The following TENT5D variants were observed in gnomAD, a reference collection of about 807,000 sequenced individuals.
The protein encoded by TENT5D is terminal nucleotidyltransferase 5D, also known as cancer/testis antigen 112.
For synonymous variants in TENT5D, 103 were observed against 100.6 expected (o/e 1.02, Z -0.15); for missense variants, 191 against 287.0 (o/e 0.67, Z 2.42).
chrX:80,410,383 A>T (rs1334242271), intron 3 of TENT5D, among the ~76,000 whole-genome samples: 1 of 80,850 alleles, frequency 1.2e-5, no homozygotes, highest in Admixed American at 1.5e-4. Context: ...CAATGAACTC[A>T]AACAAATTTA....
At chrX:80,422,533 A>AG (rs1931910499) in intron 1 of TENT5D, among the ~76,000 whole-genome samples, 1 of 111,467 alleles carries the variant, frequency 9.0e-6, no homozygotes, top group East Asian at 2.8e-4. Context: ...CTTGCCTACT[A>AG]GCAGGCTCCC....
chrX:80,383,058 T>A (rs948406945), intron 3 of TENT5D, among the ~76,000 whole-genome samples: 1 of 111,779 alleles, frequency 8.9e-6, no homozygotes, highest in African/African-American at 3.3e-5. Context: ...AATGCAGAAA[T>A]CACCCATCTT....
chrX:80,382,812 A>G (rs1265319667), intron 3 of TENT5D, among the ~76,000 whole-genome samples: 1 of 112,191 alleles, frequency 8.9e-6, no homozygotes, highest in African/African-American at 3.2e-5. Context: ...TGCACAGGAT[A>G]TAATTTCCTG....
intron 3 of TENT5D, among the ~76,000 whole-genome samples, chrX:80,393,073 A>AT (rs1257792221): frequency 9.1e-6 from 1 of 109,292 alleles, no homozygotes; most frequent in Non-Finnish European, 1.9e-5. Context: ...TTCAGGAAAA[A>AT]TTTTTTTATA....
intron 1 of TENT5D, among the ~76,000 whole-genome samples, chrX:80,428,660 G>T (rs1305653642): frequency 8.9e-6 from 1 of 111,937 alleles, no homozygotes; most frequent in Admixed American, 9.5e-5. Flanking sequence ...TTATGAGGTG[G>T]TATAAAGGGT....
At chrX:80,385,364 G>T (rs1372589640) in intron 3 of TENT5D, among the ~76,000 whole-genome samples, 3 of 110,403 alleles carry the variant, frequency 2.7e-5, no homozygotes, top group African/African-American at 9.8e-5. Context: ...AAACTGGCTA[G>T]CCATATATAG....
chrX:80,348,248 T>A (rs1477954694), intron 3 of TENT5D, among the ~76,000 whole-genome samples: 1 of 112,171 alleles, frequency 8.9e-6, no homozygotes, highest in Admixed American at 9.5e-5. Flanking sequence ...ATCTGTAAAT[T>A]ACTTTGGTCA....
At chrX:80,411,546 A>G (rs1036951979) in intron 3 of TENT5D, among the ~76,000 whole-genome samples, 1 of 111,936 alleles carries the variant, frequency 8.9e-6, no homozygotes, top group African/African-American at 3.2e-5. Flanking sequence ...TATGTTTATA[A>G]CTTACTTTAC....
chrX:80,364,116 A>G (rs1273771988), intron 3 of TENT5D, among the ~76,000 whole-genome samples: 1 of 112,127 alleles, frequency 8.9e-6, no homozygotes, highest in Non-Finnish European at 1.9e-5. Context: ...ACATCTATAT[A>G]CAAATTACTC....
chrX:80,421,126 C>T (rs948067699), intron 1 of TENT5D, among the ~76,000 whole-genome samples: 7 of 111,738 alleles, frequency 6.3e-5, no homozygotes, highest in African/African-American at 2.3e-4. Context: ...CCTGAACTTC[C>T]TTTTCAGATT....
At chrX:80,386,060 A>G (rs892538181) in intron 3 of TENT5D, among the ~76,000 whole-genome samples, 1 of 112,317 alleles carries the variant, frequency 8.9e-6, no homozygotes. Context: ...TGACCCAACC[A>G]TCCCATTACT....
At chrX:80,363,024 A>T (rs1448037609) in intron 3 of TENT5D, among the ~76,000 whole-genome samples, 2 of 111,915 alleles carry the variant, frequency 1.8e-5, no homozygotes, top group African/African-American at 6.5e-5. Context: ...ATGCAGTAAG[A>T]TTTTTATTTT....
At chrX:80,380,335 G>C (rs191334805) in intron 3 of TENT5D, among the ~76,000 whole-genome samples, 22 of 110,934 alleles carry the variant, frequency 2.0e-4, no homozygotes, top group Admixed American at 1.2e-3. Flanking sequence ...AGTTTGTTTT[G>C]ATTTCTGTTC....
intron 3 of TENT5D, among the ~76,000 whole-genome samples, chrX:80,385,583 A>G (rs1045083569): frequency 1.8e-5 from 2 of 112,124 alleles, no homozygotes; most frequent in African/African-American, 6.5e-5. Flanking sequence ...GGATCTAATT[A>G]AACTAAAGAG....
intron 3 of TENT5D, among the ~76,000 whole-genome samples, chrX:80,357,273 A>G (rs891795399): frequency 3.2e-4 from 35 of 110,605 alleles, no homozygotes; most frequent in Admixed American, 7.7e-4. Flanking sequence ...TTGGGTATAT[A>G]CCCAGTAATG....
chrX:80,431,232 A>G (rs780956012), intron 1 of TENT5D, among the ~76,000 whole-genome samples: 11 of 111,391 alleles, frequency 9.9e-5, no homozygotes, highest in Admixed American at 3.8e-4. Context: ...CCTCCTGGCT[A>G]TTGAAAGTGG....
chrX:80,408,682 G>A (rs996325552), intron 3 of TENT5D, among the ~76,000 whole-genome samples: 14 of 111,053 alleles, frequency 1.3e-4, no homozygotes, highest in African/African-American at 4.3e-4. Context: ...AGGAGGAACT[G>A]GTACCATTCC....
chrX:80,436,302 G>T (rs1263642484), intron 1 of TENT5D, among the ~76,000 whole-genome samples: 1 of 110,892 alleles, frequency 9.0e-6, no homozygotes, highest in Non-Finnish European at 1.9e-5. Flanking sequence ...GAAAATTAGG[G>T]AACTCTTTGA....
At chrX:80,379,094 C>T (rs997246767) in intron 3 of TENT5D, among the ~76,000 whole-genome samples, 4 of 101,610 alleles carry the variant, frequency 3.9e-5, no homozygotes, top group Non-Finnish European at 8.0e-5. Context: ...TGAATTTTGT[C>T]GAAGGCCTTT....
Sources: gnomAD v4.1 joint callset for allele counts (sites outside exome capture counted in the v4.1 genomes callset) on GRCh38, gnomAD v4.1.1 for gene constraint, MANE v1.5 for transcripts, NCBI Gene and HGNC (gene_info 2026-07-23, HGNC 2026-07-21) for gene names.